The following NUP133 variants were observed in gnomAD, a reference collection of about 807,000 sequenced individuals.
NUP133 encodes the protein nuclear pore complex protein Nup133.
Under a neutral mutation model 146.2 loss-of-function variants are expected in NUP133, and 66 were observed. The ratio of observed to expected loss-of-function variants is 0.45; its 90% CI spans 0.37 to 0.55. The LOEUF (loss-of-function observed/expected upper bound fraction) is 0.55, where lower values mean the gene tolerates loss of function less well. Among genes scored for constraint, NUP133 ranks in the 20% least tolerant of loss-of-function variants. NUP133 has a pLI of 0.00. For synonymous variants in NUP133, 521 were observed against 498.8 expected, an observed-to-expected ratio of 1.04 and a Z score of -0.59; for missense variants, 1,277 against 1,374.8, an observed-to-expected ratio of 0.93 and a Z score of 1.12.
At chr1:229,457,712 C>T (rs772922850) in intron 21 of NUP133, among the ~76,000 whole-genome samples, 2 of 151,736 alleles carry the variant, frequency 1.3e-5, no homozygotes, top group East Asian at 1.9e-4. Context: ...GATGTTTGGT[C>T]GAATCTGCAG....
chr1:229,445,063 T>C (rs1660275297), intron 24 of NUP133, 61 bp from the exon 25 acceptor site: 1 of 1,204,942 alleles, frequency 8.3e-7, no homozygotes, highest in African/African-American at 1.5e-5. Flanking sequence ...AATTAAATGA[T>C]TTGTTTGCTA....
At position 229,495,967 on chromosome 1, in the gene NUP133, A is replaced by G. The variant is rs763843800; in HGVS notation, c.900T>C (p.Asp300=). The G allele has an allele frequency of 1.6e-5, 25 of 1,612,048 alleles. No homozygotes were observed. The highest frequency in any genetic ancestry group is 1.9e-5 in the Non-Finnish European group (22 of 1,179,116). The stretch of plus-strand genomic sequence containing the variant: ...TGTATGCATGCTTTTCTGAAGAATC[A>G]TCTAATTCCCATTTACTGATGTTTG... ...TSSNISKWEL[D]DSSEKHAYSW... Residue 300 remains aspartate, a synonymous_variant, in exon 7 of 26, where the codon GAT becomes GAC. Coordinates refer to ENST00000261396, the MANE Select transcript of NUP133 (RefSeq NM_018230.3).
At position 229,506,086 on chromosome 1, in the gene NUP133, T is replaced by C; in HGVS notation, c.255A>G (p.Gly85=). The change falls in exon 2 of 26, where the codon GGA becomes GGG. Residue 85 remains glycine (G), a synonymous_variant. Transcript: ENST00000261396. ...ESVNYDVKTF[G]SSLPVKVMEA... ...CCATGACTTTAACAGGAAGAGAAGATCCAAACGTTTTCACATCATAGTTCA... is the reference window on the plus strand; with the variant it reads ...CCATGACTTTAACAGGAAGAGAAGACCCAAACGTTTTCACATCATAGTTCA... 6.2e-7 allele frequency: 1 copy of C among 1,613,470 alleles called. No homozygotes were observed. The highest frequency in any genetic ancestry group is 8.5e-7 in the Non-Finnish European group (1 of 1,179,486).
At chr1:229,483,847 GT>G (rs913622630) in intron 12 of NUP133, among the ~76,000 whole-genome samples, 1 of 151,900 alleles carries the variant, frequency 6.6e-6, no homozygotes, top group Non-Finnish European at 1.5e-5. Flanking sequence ...TAGAGCCCAT[GT>G]TTTTTCCCTA....
At chr1:229,449,035 CAGAA>C in intron 24 of NUP133, 87 bp downstream of exon 24, 1 of 987,056 alleles carries the variant, frequency 1.0e-6, no homozygotes, top group East Asian at 2.4e-5. Context: ...CGTCTGGTCA[CAGAA>C]GTCTTCTGTT....
chr1:229,464,586 A>G (rs1190329891), intron 18 of NUP133, 38 bp downstream of exon 18: 1 of 1,604,406 alleles, frequency 6.2e-7, no homozygotes, highest in African/African-American at 1.3e-5. Context: ...TCATCCATTC[A>G]GCAAATTTAA....
At chr1:229,492,734 AATG>A (rs957977919) in intron 8 of NUP133, among the ~76,000 whole-genome samples, 2 of 152,004 alleles carry the variant, frequency 1.3e-5, no homozygotes, top group African/African-American at 4.8e-5. Context: ...AAGACATAAG[AATG>A]ATAATGGATT....
chr1:229,494,230 A>T (rs1661595565), intron 8 of NUP133, among the ~76,000 whole-genome samples: 1 of 152,264 alleles, frequency 6.6e-6, no homozygotes, highest in Non-Finnish European at 1.5e-5. Flanking sequence ...GTAAAGACAA[A>T]AACAGGTAAA....
chr1:229,464,728 T>C lies in NUP133; in HGVS notation c.2447A>G (p.Tyr816Cys), dbSNP rs1188744787. ...VALIDCFLDG[Y>C]VSQLKSVDKS... ...ATCCACAGACTTAAGCTGAGAAACATAACCATCCAGGAAGCAATCGATCAG... is the reference window on the plus strand; with the variant it reads ...ATCCACAGACTTAAGCTGAGAAACACAACCATCCAGGAAGCAATCGATCAG... The change falls in exon 18 of 26, where the codon TAT (tyrosine) becomes TGT (cysteine). Residue 816 changes from tyrosine to cysteine, a missense_variant. By Grantham distance (194) the Tyr-to-Cys change is radical. Transcript: ENST00000261396. 1 of 1,614,218 alleles carries C rather than the reference T, an allele frequency of 6.2e-7. No homozygotes were observed. The highest frequency in any genetic ancestry group is 1.6e-4 in the Middle Eastern group (1 of 6,062).
chr1:229,448,980 C>G (rs1660378964), intron 24 of NUP133, 146 bp downstream of exon 24: 1 of 663,606 alleles, frequency 1.5e-6, no homozygotes, highest in African/African-American at 1.8e-5. Context: ...TGCCCACCAA[C>G]AGAACTCACT....
At chr1:229,467,923 C>CAA (rs1368540952) in intron 15 of NUP133, among the ~76,000 whole-genome samples, 3,521 of 70,944 alleles carry the variant, frequency 0.05, 119 homozygotes, top group African/African-American at 0.13. Flanking sequence ...GACTCAGTCT[C>CAA]AAAAAAAAAA....
rs1660172810 is a variant in NUP133 at position 229,441,098 on chromosome 1, T to C, written c.*806A>G. 1.5e-5 allele frequency: 4 copies of C among 260,618 alleles called. No individual in the cohort carries two copies. The highest frequency in any genetic ancestry group is 3.1e-5 in the Non-Finnish European group (4 of 130,310). 16.1% of individuals were successfully genotyped at this position (260,618 alleles called of 1,614,324 possible). ...TACAGTACCTTTCAGTCACATCAAT[T>C]GCCATATTAGGAAAACCTATAATGG... is the stretch of plus-strand genomic sequence containing the variant. On this transcript the variant is annotated 3_prime_UTR_variant, in exon 26 of 26. Coordinates refer to ENST00000261396, the MANE Select transcript of NUP133 (RefSeq NM_018230.3).
At chr1:229,443,243 T>C (rs1199711113) in intron 25 of NUP133, among the ~76,000 whole-genome samples, 1 of 151,566 alleles carries the variant, frequency 6.6e-6, no homozygotes, top group African/African-American at 2.4e-5. Flanking sequence ...TCTTGCTATG[T>C]GGCCCAGGCT....
rs1426050416 is a variant in NUP133, at chr1:229,460,639, T to C, written c.2816A>G (p.His939Arg). The change falls in exon 20 of 26, where the codon CAT (histidine) becomes CGT (arginine). Residue 939 changes from histidine (H) to arginine (R), a missense_variant. Transcript: ENST00000261396. The stretch of plus-strand genomic sequence containing the variant: ...TTCTAATTCTTGGCTATTAATTTCA[T>C]GTAACCAGCTGAGATGTTCATGAGC... ...LQAHEHLSWL[H>R]EINSQELEKA... 1.9e-6 allele frequency: 3 copies of C among 1,613,996 alleles called. No homozygotes were observed. Among genetic ancestry groups the C allele is most frequent in the Admixed American group, 1.7e-5 (1 of 59,992 alleles).
At chr1:229,454,248 C>G (rs148575754) in intron 21 of NUP133, among the ~76,000 whole-genome samples, 21 of 152,294 alleles carry the variant, frequency 1.4e-4, no homozygotes, top group African/African-American at 4.6e-4. Context: ...CATGACCTGA[C>G]TCCGCCCCAG....
intron 15 of NUP133, 140 bp from the exon 16 acceptor site, chr1:229,466,896 T>C (rs1446611224): frequency 1.4e-6 from 1 of 707,068 alleles, no homozygotes; most frequent in East Asian, 2.8e-5. Context: ...ATGGTAAAAA[T>C]AAATTCAAAA....
intron 12 of NUP133, among the ~76,000 whole-genome samples, chr1:229,479,182 C>G (rs935581878): frequency 6.6e-6 from 1 of 152,198 alleles, no homozygotes; most frequent in Non-Finnish European, 1.5e-5. Flanking sequence ...CCAAAATCCA[C>G]CCATATTCAA....
At chr1:229,456,572 T>A (rs761554093) in intron 21 of NUP133, among the ~76,000 whole-genome samples, 16 of 152,220 alleles carry the variant, frequency 1.1e-4, no homozygotes, top group Non-Finnish European at 2.2e-4. Context: ...TCTGGCCCAA[T>A]AAGACTCTCC....
At chr1:229,496,635 T>C (rs917436712) in intron 6 of NUP133, among the ~76,000 whole-genome samples, 1 of 152,194 alleles carries the variant, frequency 6.6e-6, no homozygotes, top group African/African-American at 2.4e-5. Flanking sequence ...AGTCATCCTG[T>C]TACATTGGAA....
Sources: gnomAD v4.1 joint callset for allele counts (sites outside exome capture counted in the v4.1 genomes callset) on GRCh38, gnomAD v4.1.1 for gene constraint, MANE v1.5 for transcripts, NCBI Gene and HGNC (gene_info 2026-07-23, HGNC 2026-07-21) for gene names.